The following CTBS variants were observed in gnomAD, a reference collection of about 807,000 sequenced individuals.
CTBS encodes the protein chitobiase.
In CTBS, 35 loss-of-function variants were observed where a neutral mutation model predicts 44.3. The ratio of observed to expected loss-of-function variants is 0.79; its 90% confidence interval spans 0.60 to 1.05. CTBS has a LOEUF of 1.05. CTBS is among the 50% of genes least tolerant of loss of function. The pLI is 0.00. For missense variants in CTBS, 458 were observed against 475.3 expected (o/e 0.96, Z 0.34); for synonymous variants, 143 against 168.0 (o/e 0.85, Z 1.15).
rs1349776427 is a variant in CTBS, at chr1:84,551,334, G to A, written c.*3665C>T. 7.7e-6 allele frequency: 7 copies of A among 911,748 alleles called. No homozygotes were observed. The highest frequency in any genetic ancestry group is 1.8e-5 in the African/African-American group (1 of 55,540). The allele number at this position is 911,748 out of a possible 1,614,324, so 56.5% of individuals were successfully genotyped here. On this transcript the variant is annotated 3_prime_UTR_variant, in exon 7 of 7. Transcript: ENST00000370630. ...TTAAAAAAATTTTAAAAAGAAAAAA[G>A]AAAATCAGTACTGTCCTCGGTTTCA...
intron 6 of CTBS, among the ~76,000 whole-genome samples, chr1:84,555,421 C>A (rs1047303978): frequency 1.3e-5 from 2 of 152,144 alleles, no homozygotes; most frequent in African/African-American, 4.8e-5. Context: ...CCCTGACTTA[C>A]AATGGTTCAA....
rs769070229 is a variant in CTBS at position 84,565,879 on chromosome 1, A to G, written c.659T>C (p.Ile220Thr). ...ATTATAGGGAGCATTGGCTGCTGCAATACATTCTGACCAGATCTGACTTTG... is the reference window on the plus strand; with the variant it reads ...ATTATAGGGAGCATTGGCTGCTGCAGTACATTCTGACCAGATCTGACTTTG... Reference protein sequence around the residue: ...DEQSQIWSECIAAANAPYNQT... With the variant: ...DEQSQIWSECTAAANAPYNQT... The change falls in exon 4 of 7, where the codon ATT becomes ACT. Residue 220 changes from isoleucine (I) to threonine (T), a missense_variant. Physicochemically the swap from Ile to Thr is moderately conservative, Grantham distance 89. Coordinates refer to ENST00000370630, the MANE Select transcript of CTBS (RefSeq NM_004388.3). 4 of 1,578,320 alleles carry G rather than the reference A, an allele frequency of 2.5e-6. No individual in the cohort carries two copies. The highest frequency in any genetic ancestry group is 2.4e-5 in the East Asian group (1 of 41,942).
intron 3 of CTBS, 183 bp from the exon 4 acceptor site, chr1:84,566,195 C>A: frequency 3.5e-6 from 1 of 287,614 alleles, no homozygotes; most frequent in Non-Finnish European, 6.3e-6. Flanking sequence ...TTTTTGCTTA[C>A]ACTTGACTGA....
At position 84,549,641 on chromosome 1, in the gene CTBS, T is replaced by G. The variant is rs1488474610; in HGVS notation, c.*5358A>C. On this transcript the variant is annotated 3_prime_UTR_variant, in exon 7 of 7. Transcript: ENST00000370630. ...GACATGAAGTTTATTTTATTATTAA[T>G]TCCACCATATAATTAAATAACAGAC... 2.6e-5 allele frequency: 4 copies of G among 152,214 alleles called. No homozygotes were observed. In the East Asian group the frequency reaches 7.7e-4, roughly 29 times the overall value. The allele number at this position is 152,214 out of a possible 1,614,324, so 9.4% of individuals were successfully genotyped here. A position where few individuals can be genotyped will look rare whatever the true frequency, so the allele number is the denominator to read the frequency against.
intron 1 of CTBS, 53 bp downstream of exon 1, chr1:84,574,186 C>T (rs1188093959): frequency 6.3e-7 from 1 of 1,577,124 alleles, no homozygotes. Context: ...TCTACCCTAA[C>T]TTCTCTTCGT....
At chr1:84,570,171 T>C in intron 2 of CTBS, 32 bp from the exon 3 acceptor site, 1 of 1,558,696 alleles carries the variant, frequency 6.4e-7, no homozygotes, top group Non-Finnish European at 8.8e-7. Flanking sequence ...TTTGAACATG[T>C]ATGCAAAAAC....
intron 6 of CTBS, among the ~76,000 whole-genome samples, chr1:84,562,665 T>G (rs1684617022): frequency 6.6e-6 from 1 of 152,246 alleles, no homozygotes; most frequent in Admixed American, 6.5e-5. Context: ...CATTTTGGTA[T>G]AGCAATTCCT....
chr1:84,560,346 C>G (rs1405604845), intron 6 of CTBS, among the ~76,000 whole-genome samples: 1 of 152,126 alleles, frequency 6.6e-6, no homozygotes, highest in Non-Finnish European at 1.5e-5. Context: ...AAATCCTTCA[C>G]AGAGAGGCCA....
Position 84,553,230 on chromosome 1 carries a change from T to C in CTBS, c.*1769A>G, listed in dbSNP as rs1570460488. 1 of 638,980 alleles carries C rather than the reference T, an allele frequency of 1.6e-6. No individual in the cohort carries two copies. The highest frequency in any genetic ancestry group is 1.9e-5 in the African/African-American group (1 of 52,656). The allele number at this position is 638,980 out of a possible 1,614,324, so 39.6% of individuals were successfully genotyped here. A position where few individuals can be genotyped will look rare whatever the true frequency, so the allele number is the denominator to read the frequency against. ...GCAATGTTTTATAAAAAGCACAAGG[T>C]TTCTCTTTCTCCACTTTCCATGTGG... is the stretch of plus-strand genomic sequence containing the variant. On this transcript the variant is annotated 3_prime_UTR_variant, in exon 7 of 7. Transcript: ENST00000370630.
In CTBS at chr1:84,574,404, C is replaced by CG; in HGVS notation, c.11dup (p.Gln5AlafsTer10). ...AGACGAGGCGCCAGCGTCGAAGCTG[C>CG]GGCCGGGACATAGCAGCAGGTCTAG... On this transcript the variant is annotated frameshift_variant, in exon 1 of 7. Coordinates refer to ENST00000370630, the MANE Select transcript of CTBS (RefSeq NM_004388.3). LOFTEE classifies it high-confidence loss of function. 1 of 1,552,254 alleles carries CG rather than the reference C, an allele frequency of 6.4e-7. No individual in the cohort carries two copies. Among genetic ancestry groups the CG allele is most frequent in the East Asian group, 2.4e-5 (1 of 41,774 alleles).
intron 4 of CTBS, 104 bp from the exon 5 acceptor site, chr1:84,563,936 T>C (rs1684641864): frequency 1.5e-6 from 2 of 1,309,684 alleles, no homozygotes; most frequent in African/African-American, 3.0e-5. Flanking sequence ...AACAAGTACA[T>C]TTATAAAAAA....
intron 6 of CTBS, among the ~76,000 whole-genome samples, chr1:84,555,690 T>C (rs1384491202): frequency 2.0e-5 from 3 of 152,242 alleles, no homozygotes; most frequent in Non-Finnish European, 4.4e-5. Flanking sequence ...AGCCAAGGCG[T>C]ACATCTGAAT....
rs1243534269 is a variant in CTBS at position 84,554,356 on chromosome 1, A to T, written c.*643T>A. The T allele has an allele frequency of 3.9e-5, 6 of 152,188 alleles. No individual in the cohort carries two copies. Among genetic ancestry groups the T allele is most frequent in the Admixed American group, 3.9e-4 (6 of 15,268 alleles). The allele number at this position is 152,188 out of a possible 1,614,324, so 9.4% of individuals were successfully genotyped here. On this transcript the variant is annotated 3_prime_UTR_variant, in exon 7 of 7. Coordinates refer to ENST00000370630, the MANE Select transcript of CTBS (RefSeq NM_004388.3). Reference sequence around the variant, plus strand: ...GGTAGTTCTAACTTACCAATTCAAAATATTACTGTTACATTCTTCTATTTT... The same window carrying T: ...GGTAGTTCTAACTTACCAATTCAAATTATTACTGTTACATTCTTCTATTTT...
At position 84,551,146 on chromosome 1, in the gene CTBS, A is replaced by G. The variant is rs996948346; in HGVS notation, c.*3853T>C. ...TATCTGTGAAGTACATATGTATTAA[A>G]AAGCTTTTTTGTTGAACAGAAAACA... is the stretch of plus-strand genomic sequence containing the variant. On this transcript the variant is annotated 3_prime_UTR_variant, in exon 7 of 7. Coordinates refer to ENST00000370630, the MANE Select transcript of CTBS (RefSeq NM_004388.3). The G allele has an allele frequency of 1.0e-6, 1 of 985,140 alleles. No homozygotes were observed. The highest frequency in any genetic ancestry group is 1.2e-6 in the Non-Finnish European group (1 of 829,838). The allele number at this position is 985,140 out of a possible 1,614,324, so 61.0% of individuals were successfully genotyped here.
Position 84,554,985 on chromosome 1 carries a change from T to G in CTBS, c.*14A>C. 1 of 1,607,720 alleles carries G rather than the reference T, an allele frequency of 6.2e-7. No individual in the cohort carries two copies. The highest frequency in any genetic ancestry group is 8.5e-7 in the Non-Finnish European group (1 of 1,174,964). On this transcript the variant is annotated 3_prime_UTR_variant, in exon 7 of 7. Transcript: ENST00000370630. Reference sequence around the variant, plus strand: ...GATCATCTTTCTAACTCTTAATGGTTTGACAAAAGATGTTCATCTCTGTAA... The same window carrying G: ...GATCATCTTTCTAACTCTTAATGGTGTGACAAAAGATGTTCATCTCTGTAA...
intron 4 of CTBS, among the ~76,000 whole-genome samples, chr1:84,564,177 A>G (rs1294837042): frequency 6.6e-6 from 1 of 152,230 alleles, no homozygotes; most frequent in Non-Finnish European, 1.5e-5. Context: ...TCTAGATTCT[A>G]AAGTTTCAAA....
At chr1:84,567,064 C>T (rs913182377) in intron 3 of CTBS, among the ~76,000 whole-genome samples, 3 of 152,120 alleles carry the variant, frequency 2.0e-5, no homozygotes, top group Non-Finnish European at 4.4e-5. Context: ...AGGTTGTTTT[C>T]CCCCCTTAAT....
intron 6 of CTBS, among the ~76,000 whole-genome samples, chr1:84,558,353 G>T (rs1387105398): frequency 6.6e-6 from 1 of 150,844 alleles, no homozygotes; most frequent in Non-Finnish European, 1.5e-5. Context: ...GCAGTGGCGG[G>T]ATCTCGGCTC....
intron 5 of CTBS, 72 bp from the exon 6 acceptor site, chr1:84,563,490 T>C: frequency 9.3e-7 from 1 of 1,077,098 alleles, no homozygotes; most frequent in Admixed American, 3.7e-5. Flanking sequence ...CAAAAATATA[T>C]AAATTATTTA....
Sources: gnomAD v4.1 joint callset for allele counts (sites outside exome capture counted in the v4.1 genomes callset) on GRCh38, gnomAD v4.1.1 for gene constraint, MANE v1.5 for transcripts, NCBI Gene and HGNC (gene_info 2026-07-23, HGNC 2026-07-21) for gene names.